The following RALGAPA1 variants were observed in gnomAD, a reference collection of about 807,000 sequenced individuals.
RALGAPA1 encodes the protein Ral GTPase activating protein catalytic subunit alpha 1, also known as ral GTPase-activating protein subunit alpha-1.
A neutral mutation model predicts 269.6 loss-of-function variants in RALGAPA1; 52 were observed. That is an observed-to-expected ratio of 0.19 (90% CI 0.15 to 0.24). The LOEUF is 0.24. Ranked by LOEUF, RALGAPA1 falls within the 10% of genes least tolerant of loss-of-function variation. The probability of loss-of-function intolerance (pLI) is 1.00; values close to 1 mark genes in which losing one functional copy is unlikely to be tolerated. For synonymous variants in RALGAPA1, 817 were observed against 1,008.3 expected (o/e 0.81, Z 3.60); for missense variants, 1,917 against 3,013.9 (o/e 0.64, Z 8.52).
chr14:35,584,498 C>T (rs1282197774), intron 37 of RALGAPA1, among the ~76,000 whole-genome samples: 1 of 152,134 alleles, frequency 6.6e-6, no homozygotes, highest in Non-Finnish European at 1.5e-5. Flanking sequence ...CTCCTGGGCT[C>T]AACAGATCTG....
chr14:35,602,064 C>G (rs1185239878), intron 36 of RALGAPA1, among the ~76,000 whole-genome samples: 1 of 152,122 alleles, frequency 6.6e-6, no homozygotes, highest in Non-Finnish European at 1.5e-5. Flanking sequence ...ATAAATGGAC[C>G]ATTAATATGT....
At chr14:35,684,087 C>T in intron 20 of RALGAPA1, 102 bp from the exon 21 acceptor site, 1 of 827,748 alleles carries the variant, frequency 1.2e-6, no homozygotes, top group Non-Finnish European at 1.9e-6. Flanking sequence ...ATTCCCCGTA[C>T]ATCTATTCTG....
chr14:35,690,455 G>A (rs965237310), intron 17 of RALGAPA1, among the ~76,000 whole-genome samples: 18 of 152,102 alleles, frequency 1.2e-4, no homozygotes, highest in African/African-American at 4.3e-4. Context: ...TTCCCAAAAA[G>A]GCAAGAGGCA....
At chr14:35,561,464 C>T (rs918753499) in intron 39 of RALGAPA1, among the ~76,000 whole-genome samples, 5 of 139,306 alleles carry the variant, frequency 3.6e-5, no homozygotes, top group Admixed American at 2.9e-4. Context: ...GTAAGCACAG[C>T]AAAAAATTCT....
intron 39 of RALGAPA1, among the ~76,000 whole-genome samples, chr14:35,568,873 C>T (rs2056930306): frequency 6.6e-6 from 1 of 152,188 alleles, no homozygotes. Flanking sequence ...AACTTGCCTA[C>T]CGAAATTTCT....
intron 25 of RALGAPA1, among the ~76,000 whole-genome samples, chr14:35,671,916 T>C (rs1204153203): frequency 6.6e-6 from 1 of 152,196 alleles, no homozygotes; most frequent in East Asian, 1.9e-4. Flanking sequence ...ACGTGACAAT[T>C]GGAAAGATTC....
At chr14:35,716,584 T>G (rs1421145899) in intron 16 of RALGAPA1, among the ~76,000 whole-genome samples, 1 of 152,030 alleles carries the variant, frequency 6.6e-6, no homozygotes. Flanking sequence ...AATTCCATAA[T>G]ATCATCTGAT....
chr14:35,799,577 G>GA (rs1051443692), intron 1 of RALGAPA1, among the ~76,000 whole-genome samples: 5 of 146,608 alleles, frequency 3.4e-5, no homozygotes, highest in South Asian at 2.1e-4. Flanking sequence ...AAAAAAAAAA[G>GA]AAAAAAGGTA....
intron 1 of RALGAPA1, among the ~76,000 whole-genome samples, chr14:35,792,777 CAAAAAAA>C (rs573027253): frequency 2.2e-5 from 1 of 46,126 alleles, no homozygotes; most frequent in Non-Finnish European, 4.4e-5. Flanking sequence ...GACCCTGTCT[CAAAAAAA>C]AAAAAAAAAA....
In RALGAPA1 at chr14:35,756,911, A is replaced by G; in HGVS notation, c.548-3T>C. ...GATTTCTTCTATAGTGACTTGAGCT[A>G]TCCAAAGACAAAAGAATAGTATATA... On this transcript the variant is annotated splice_region_variant and splice_polypyrimidine_tract_variant and intron_variant, in intron 6 of 41. Transcript: ENST00000680220. 1 of 1,596,508 alleles carries G rather than the reference A, an allele frequency of 6.3e-7. No homozygotes were observed. Among genetic ancestry groups the G allele is most frequent in the Non-Finnish European group, 8.5e-7 (1 of 1,170,964 alleles).
At chr14:35,547,370 A>C (rs2054552431) in intron 41 of RALGAPA1, among the ~76,000 whole-genome samples, 1 of 152,168 alleles carries the variant, frequency 6.6e-6, no homozygotes, top group African/African-American at 2.4e-5. Context: ...GATAACATGC[A>C]AAATATGGGG....
chr14:35,710,633 C>T (rs1282968476), intron 16 of RALGAPA1, among the ~76,000 whole-genome samples: 2 of 152,154 alleles, frequency 1.3e-5, no homozygotes, highest in Non-Finnish European at 2.9e-5. Flanking sequence ...CTTTGTCATG[C>T]ACTGCATAAT....
intron 35 of RALGAPA1, among the ~76,000 whole-genome samples, chr14:35,612,243 C>T (rs948903892): frequency 6.6e-6 from 1 of 151,624 alleles, no homozygotes; most frequent in South Asian, 2.1e-4. Flanking sequence ...TGGTGGCATG[C>T]GTCTGCAGTC....
chr14:35,788,022 A>C (rs112750053), intron 1 of RALGAPA1, among the ~76,000 whole-genome samples: 2,781 of 152,198 alleles, frequency 0.018, 84 homozygotes, highest in African/African-American at 0.063. Flanking sequence ...CCCAGGCTGG[A>C]GTGCAGTGGT....
At chr14:35,592,658 C>T (rs931533184) in intron 37 of RALGAPA1, among the ~76,000 whole-genome samples, 5 of 152,132 alleles carry the variant, frequency 3.3e-5, no homozygotes, top group Admixed American at 6.6e-5. Context: ...TACACCCAGA[C>T]GAAGTGGGAC....
rs2069444296 is a variant in RALGAPA1, at chr14:35,721,838, C to T, written c.2116G>A (p.Glu706Lys). 3 of 1,613,034 alleles carry T rather than the reference C, an allele frequency of 1.9e-6. No individual in the cohort carries two copies. Among genetic ancestry groups the T allele is most frequent in the South Asian group, 1.1e-5 (1 of 91,012 alleles). Residue 706 changes from glutamate to lysine, a missense_variant, in exon 16 of 42, where the codon GAA becomes AAA. Coordinates refer to ENST00000680220, the MANE Select transcript of RALGAPA1 (RefSeq NM_001346249.2). ...TTGTCAACTGAAACTTTCTGAAATT[C>T]ATGTCCAACTCCTGGAAATGTAGAT... is the stretch of plus-strand genomic sequence containing the variant. ...KKHKGKGVGH[E>K]FQKVSVDKSF...
intron 35 of RALGAPA1, among the ~76,000 whole-genome samples, chr14:35,606,856 T>G (rs1478857639): frequency 2.0e-5 from 3 of 152,140 alleles, no homozygotes; most frequent in African/African-American, 4.8e-5. Context: ...TGGAGTAAGT[T>G]ACCAAATCAT....
intron 1 of RALGAPA1, among the ~76,000 whole-genome samples, chr14:35,790,127 C>T (rs1292206230): frequency 2.0e-5 from 3 of 151,796 alleles, no homozygotes; most frequent in African/African-American, 7.3e-5. Flanking sequence ...GTGGCATGCA[C>T]CTGTGGTCCC....
At chr14:35,747,551 T>C (rs974084597) in intron 10 of RALGAPA1, among the ~76,000 whole-genome samples, 20 of 152,236 alleles carry the variant, frequency 1.3e-4, no homozygotes, top group Admixed American at 1.3e-4. Flanking sequence ...TGCTTTGTTT[T>C]ACACATCAAT....
Sources: gnomAD v4.1 joint callset for allele counts (sites outside exome capture counted in the v4.1 genomes callset) on GRCh38, gnomAD v4.1.1 for gene constraint, MANE v1.5 for transcripts, NCBI Gene and HGNC (gene_info 2026-07-23, HGNC 2026-07-21) for gene names.